The following OTULIN variants were observed in gnomAD, a reference collection of about 807,000 sequenced individuals.
The protein encoded by OTULIN is OTU deubiquitinase with linear linkage specificity.
In OTULIN, 15 loss-of-function variants were observed where a neutral mutation model predicts 39.6. That is an observed-to-expected ratio of 0.38 (90% CI 0.25 to 0.58). The LOEUF (loss-of-function observed/expected upper bound fraction) is 0.58, where lower values mean the gene tolerates loss of function less well. Ranked by LOEUF, OTULIN falls within the 20% of genes least tolerant of loss-of-function variation. OTULIN has a pLI of 0.66. For missense variants in OTULIN, 319 were observed against 445.9 expected (o/e 0.72, Z 2.56); for synonymous variants, 156 against 170.3 (o/e 0.92, Z 0.65).
rs1298086734 is a variant in OTULIN at position 14,696,456 on chromosome 5, A to G, written c.*3408A>G. 1 of 152,236 alleles carries G rather than the reference A, an allele frequency of 6.6e-6. No individual in the cohort carries two copies. Among genetic ancestry groups the G allele is most frequent in the Admixed American group, 6.5e-5 (1 of 15,286 alleles). The allele number at this position is 152,236 out of a possible 1,614,324, so 9.4% of individuals were successfully genotyped here. On this transcript the variant is annotated 3_prime_UTR_variant, in exon 7 of 7. Transcript: ENST00000284274. ...TTTATGTAAGATCTGTGAGTACTTA[A>G]AAAGAAAGCCCTCAGTGTGTGTGAA...
At position 14,694,476 on chromosome 5, in the gene OTULIN, C is replaced by T. The variant is rs1299001194; in HGVS notation, c.*1428C>T. 1 of 152,218 alleles carries T rather than the reference C, an allele frequency of 6.6e-6. No homozygotes were observed. Among genetic ancestry groups the T allele is most frequent in the Non-Finnish European group, 1.5e-5 (1 of 68,038 alleles). 9.4% of individuals were successfully genotyped at this position (152,218 alleles called of 1,614,324 possible). ...GTGGAGGTGGTATTTCCCTGAAGTA[C>T]TGAGCTTTGTTTTATAATAATTAAA... On this transcript the variant is annotated 3_prime_UTR_variant, in exon 7 of 7. Coordinates refer to ENST00000284274, the MANE Select transcript of OTULIN (RefSeq NM_138348.6).
intron 3 of OTULIN, 56 bp downstream of exon 3, chr5:14,678,831 T>C (rs1230482201): frequency 4.3e-6 from 5 of 1,155,506 alleles, no homozygotes; most frequent in Non-Finnish European, 5.0e-6. Flanking sequence ...TCATAAGTTG[T>C]TTAATATGTC....
chr5:14,687,936 T>A, intron 5 of OTULIN: 2 of 201,218 alleles, frequency 9.9e-6, no homozygotes, highest in Non-Finnish European at 2.0e-5. Flanking sequence ...TTCCAAGTCA[T>A]ATTTATGTTT....
intron 1 of OTULIN, among the ~76,000 whole-genome samples, 183 bp downstream of exon 1, chr5:14,665,160 C>G (rs935032368): frequency 1.3e-5 from 2 of 152,226 alleles, no homozygotes; most frequent in Non-Finnish European, 2.9e-5. Flanking sequence ...GATTTTTAAC[C>G]CCAGGGCCCC....
intron 1 of OTULIN, 85 bp from the exon 2 acceptor site, chr5:14,673,557 T>C (rs1736029215): frequency 8.9e-7 from 1 of 1,120,644 alleles, no homozygotes; most frequent in Non-Finnish European, 1.3e-6. Context: ...CTTAGTATAT[T>C]ATGCATTTGT....
chr5:14,665,040 G>T, intron 1 of OTULIN, 63 bp downstream of exon 1: 2 of 1,002,444 alleles, frequency 2.0e-6, no homozygotes, highest in South Asian at 4.6e-5. Flanking sequence ...TCCGGAAGCC[G>T]GGCTGGGGTG....
chr5:14,711,609 C>T, the OTULIN span, among the ~76,000 whole-genome samples: 48 of 152,324 alleles, frequency 3.2e-4, no homozygotes, highest in African/African-American at 9.1e-4. Context: ...ATGAGGGCTG[C>T]GCTCTCCCCG....
At chr5:14,684,615 G>C (rs1035494634) in intron 4 of OTULIN, among the ~76,000 whole-genome samples, 2 of 152,174 alleles carry the variant, frequency 1.3e-5, no homozygotes, top group African/African-American at 4.8e-5. Flanking sequence ...TTGAGTGAGC[G>C]TTTCTTGCAG....
At chr5:14,709,048 C>G in the OTULIN span, 2 of 152,198 alleles carry the variant, frequency 1.3e-5, no homozygotes, top group Non-Finnish European at 2.9e-5. Flanking sequence ...TATGTGCTAC[C>G]ACCCCCAGCT....
chr5:14,711,668 C>T, the OTULIN span, among the ~76,000 whole-genome samples: 2 of 152,224 alleles, frequency 1.3e-5, no homozygotes, highest in Non-Finnish European at 1.5e-5. Flanking sequence ...CTCCCTAAAG[C>T]CTCAAGCTTG....
the OTULIN span, chr5:14,711,188 T>G: frequency 1.2e-5 from 19 of 1,609,434 alleles, no homozygotes; most frequent in Non-Finnish European, 1.6e-5. Flanking sequence ...GCCCATGGCG[T>G]CCCGTGCCTT....
chr5:14,692,785 G>A (rs1432676498), intron 6 of OTULIN, 69 bp from the exon 7 acceptor site: 11 of 1,394,938 alleles, frequency 7.9e-6, no homozygotes, highest in African/African-American at 1.4e-5. Flanking sequence ...GATAATGGAT[G>A]GAACATGGTG....
chr5:14,669,080 T>C (rs1312307428), intron 1 of OTULIN, among the ~76,000 whole-genome samples: 8 of 152,116 alleles, frequency 5.3e-5, no homozygotes, highest in Non-Finnish European at 1.0e-4. Context: ...AATAGGTAAA[T>C]AGGCCGGGCG....
chr5:14,675,261 C>T (rs1421150846), intron 2 of OTULIN, among the ~76,000 whole-genome samples: 1 of 152,198 alleles, frequency 6.6e-6, no homozygotes, highest in East Asian at 1.9e-4. Flanking sequence ...TTAGAAGACC[C>T]TTGTCTGTGC....
chr5:14,688,268 A>T (rs958681284), intron 5 of OTULIN, among the ~76,000 whole-genome samples: 3 of 151,944 alleles, frequency 2.0e-5, no homozygotes, highest in Admixed American at 6.6e-5. Context: ...GCTTGCTTTC[A>T]TTGAGCAGCT....
chr5:14,711,390 C>G, the OTULIN span: 2 of 1,292,234 alleles, frequency 1.5e-6, no homozygotes, highest in Non-Finnish European at 2.2e-6. Flanking sequence ...GAGACAACAC[C>G]GGGGTCTTGG....
intron 6 of OTULIN, among the ~76,000 whole-genome samples, chr5:14,691,186 C>T (rs916781887): frequency 7.2e-5 from 11 of 152,178 alleles, no homozygotes; most frequent in African/African-American, 2.7e-4. Context: ...ATTGGAATAG[C>T]CAACCGCTAA....
the OTULIN span, chr5:14,713,038 CA>C: frequency 6.8e-7 from 1 of 1,477,716 alleles, no homozygotes; most frequent in Non-Finnish European, 9.3e-7. This position sits in a 1 kb window ranked among gnomAD's most constrained non-coding sequence, Gnocchi z 4.4. Flanking sequence ...CCGTCGATGC[CA>C]AAACCCAGGA....
intron 6 of OTULIN, among the ~76,000 whole-genome samples, chr5:14,692,102 G>A (rs993642227): frequency 6.6e-6 from 1 of 152,028 alleles, no homozygotes; most frequent in African/African-American, 2.4e-5. Context: ...GTTCTCTTGG[G>A]TATACACCGA....
Sources: allele counts gnomAD v4.1 joint callset (sites outside exome capture counted in the v4.1 genomes callset), GRCh38; gene constraint gnomAD v4.1.1; non-coding constraint Gnocchi (gnomAD v3.1); transcripts MANE v1.5; gene names NCBI Gene and HGNC (gene_info 2026-07-23, HGNC 2026-07-21).